TANGO2: variants seen among roughly 807,000 people sequenced by gnomAD.
TANGO2 encodes transport and Golgi organization protein 2 homolog.
Under a neutral mutation model 39.1 loss-of-function variants are expected in TANGO2, and 26 were observed. The observed-to-expected ratio is 0.67, with a 90% CI of 0.49 to 0.92. TANGO2 has a LOEUF of 0.92. TANGO2 is among the 40% of genes least tolerant of loss of function. The pLI is 0.00. For synonymous variants in TANGO2, 131 were observed against 144.5 expected (o/e 0.91, Z 0.67); for missense variants, 326 against 360.1 (o/e 0.91, Z 0.77).
intron 3 of TANGO2, among the ~76,000 whole-genome samples, chr22:20,044,193 G>A (rs530176595): frequency 3.3e-5 from 5 of 152,282 alleles, no homozygotes; most frequent in African/African-American, 7.2e-5. Context: ...GTGTGACCTC[G>A]TGGGCCCATG....
At chr22:20,029,975 G>A (rs2041524650) in intron 1 of TANGO2, among the ~76,000 whole-genome samples, 2 of 152,064 alleles carry the variant, frequency 1.3e-5, no homozygotes, top group Non-Finnish European at 2.9e-5. Context: ...TGAGCCTCAC[G>A]ACGCACATCC....
rs2049001417 is a variant in TANGO2 at position 20,064,737 on chromosome 22, T to C, written c.*75T>C. 1 of 1,575,608 alleles carries C rather than the reference T, an allele frequency of 6.3e-7. No individual in the cohort carries two copies. The highest frequency in any genetic ancestry group is 2.2e-5 in the East Asian group (1 of 44,576). On this transcript the variant is annotated 3_prime_UTR_variant, in exon 9 of 9. Coordinates refer to ENST00000327374, the MANE Select transcript of TANGO2 (RefSeq NM_152906.7). Reference sequence around the variant, plus strand: ...GGGCACTGTGGACAGGAAACCTTCCTTTGCCATACTGCATTGCACTGCCCG... The same window carrying C: ...GGGCACTGTGGACAGGAAACCTTCCCTTGCCATACTGCATTGCACTGCCCG...
rs1476189702 is a variant in TANGO2, at chr22:20,064,999, CA to C, written c.*338del. On this transcript the variant is annotated 3_prime_UTR_variant, in exon 9 of 9. Transcript: ENST00000327374. ...ACACTCCTGCGTGTGCACAAGCACA[CA>C]CATGCAAGCCATATACATGGACACC... 1.1e-5 allele frequency: 3 copies of C among 284,660 alleles called. No individual in the cohort carries two copies. Among genetic ancestry groups the C allele is most frequent in the South Asian group, 1.1e-4 (2 of 18,824 alleles). The allele number at this position is 284,660 out of a possible 1,614,324, so 17.6% of individuals were successfully genotyped here.
At chr22:20,063,492 C>A in intron 8 of TANGO2, 50 bp downstream of exon 8, 1 of 1,521,010 alleles carries the variant, frequency 6.6e-7, no homozygotes, top group East Asian at 2.4e-5. Context: ...TCCCACCTCC[C>A]ACGCTAGAGG....
intron 3 of TANGO2, chr22:20,048,197 T>A (rs1411376587): frequency 6.6e-6 from 1 of 152,256 alleles, no homozygotes; most frequent in Non-Finnish European, 1.5e-5. Context: ...AGTGCTGACA[T>A]TACAGGCATG....
intron 1 of TANGO2, among the ~76,000 whole-genome samples, chr22:20,021,782 C>T (rs753878922): frequency 2.0e-5 from 3 of 152,226 alleles, no homozygotes; most frequent in Non-Finnish European, 2.9e-5. Flanking sequence ...TGGGCTTTGC[C>T]CGTTTTCCTC....
intron 2 of TANGO2, among the ~76,000 whole-genome samples, chr22:20,041,289 G>T (rs1282332561): frequency 6.6e-6 from 1 of 151,552 alleles, no homozygotes; most frequent in Non-Finnish European, 1.5e-5. Context: ...GGGATTACAG[G>T]CGCCCGCCAC....
intron 1 of TANGO2, chr22:20,033,284 G>C (rs1569249760): frequency 1.2e-5 from 6 of 508,836 alleles, no homozygotes; most frequent in Non-Finnish European, 1.2e-5. Flanking sequence ...GTGCCAGGCT[G>C]TCCGGAGATC....
chr22:20,017,170 C>A (rs1029212679), upstream of TANGO2: 17 of 152,450 alleles, frequency 1.1e-4, no homozygotes, highest in African/African-American at 3.8e-4. Context: ...CGCGTAGCCT[C>A]CGCCACCACT....
chr22:20,017,525 G>T (rs565059459), upstream of TANGO2, among the ~76,000 whole-genome samples: 1 of 152,286 alleles, frequency 6.6e-6, no homozygotes, highest in Admixed American at 6.5e-5. Context: ...GACCTCTTGG[G>T]CTTGTCCCAC....
intron 6 of TANGO2, chr22:20,056,849 G>A (rs985117738): frequency 1.3e-5 from 6 of 456,538 alleles, no homozygotes; most frequent in East Asian, 1.4e-4. Context: ...GACACTCCTC[G>A]CTGGTGGCAT....
At chr22:20,045,936 C>T (rs949843734) in intron 3 of TANGO2, among the ~76,000 whole-genome samples, 1 of 152,020 alleles carries the variant, frequency 6.6e-6, no homozygotes, top group Non-Finnish European at 1.5e-5. Flanking sequence ...CTCGGTGCCC[C>T]TAGATCTTGA....
intron 5 of TANGO2, chr22:20,055,543 C>T (rs1247925191): frequency 3.4e-6 from 1 of 295,276 alleles, no homozygotes; most frequent in African/African-American, 2.1e-5. Flanking sequence ...GCCACCTGTC[C>T]AGAAACCCTC....
chr22:20,036,766 C>A lies in TANGO2; in HGVS notation c.-33C>A. The A allele has an allele frequency of 6.2e-7, 1 of 1,614,064 alleles. No homozygotes were observed. Among genetic ancestry groups the A allele is most frequent in the Non-Finnish European group, 8.5e-7 (1 of 1,179,894 alleles). On this transcript the variant is annotated 5_prime_UTR_variant, in exon 2 of 9. Coordinates refer to ENST00000327374, the MANE Select transcript of TANGO2 (RefSeq NM_152906.7). ...TGTTTTCCTTTTCCCGCAGACCTCGCGACCTGTGTCAGCAGAGCCGCCCTG... is the reference window on the plus strand; with the variant it reads ...TGTTTTCCTTTTCCCGCAGACCTCGAGACCTGTGTCAGCAGAGCCGCCCTG...
At chr22:20,050,687 A>G (rs189057500) in intron 3 of TANGO2, among the ~76,000 whole-genome samples, 58 of 149,018 alleles carry the variant, frequency 3.9e-4, no homozygotes, top group Admixed American at 3.9e-3. Context: ...AATCACACTA[A>G]GGATTTTAAA....
chr22:20,064,855 A>G lies in TANGO2; in HGVS notation c.*193A>G. 6.0e-6 allele frequency: 4 copies of G among 671,840 alleles called. No individual in the cohort carries two copies. The highest frequency in any genetic ancestry group is 9.8e-6 in the Non-Finnish European group (4 of 408,744). The allele number at this position is 671,840 out of a possible 1,614,324, so 41.6% of individuals were successfully genotyped here. A position where few individuals can be genotyped will look rare whatever the true frequency, so the allele number is the denominator to read the frequency against. On this transcript the variant is annotated 3_prime_UTR_variant, in exon 9 of 9. Coordinates refer to ENST00000327374, the MANE Select transcript of TANGO2 (RefSeq NM_152906.7). The stretch of plus-strand genomic sequence containing the variant: ...CCAGTTCAGGGTCTGCCTTTATGCC[A>G]GTGAGGAGCAGCAGAGTCTGATACT...
intron 2 of TANGO2, among the ~76,000 whole-genome samples, chr22:20,040,186 A>G (rs2043638042): frequency 6.6e-6 from 1 of 152,226 alleles, no homozygotes; most frequent in South Asian, 2.1e-4. Flanking sequence ...GCAAACCACC[A>G]GCAATTCAGC....
chr22:20,023,990 T>C (rs2040240898), intron 1 of TANGO2, among the ~76,000 whole-genome samples: 1 of 152,170 alleles, frequency 6.6e-6, no homozygotes, highest in East Asian at 1.9e-4. Context: ...GAGATCAGCC[T>C]GGCCAACATA....
chr22:20,051,189 G>T (rs548462765), intron 3 of TANGO2, among the ~76,000 whole-genome samples: 21 of 151,104 alleles, frequency 1.4e-4, no homozygotes, highest in Non-Finnish European at 1.9e-4. Flanking sequence ...CTTTATTTTT[G>T]ATCTTTACAT....
Sources: allele counts gnomAD v4.1 joint callset (sites outside exome capture counted in the v4.1 genomes callset), GRCh38; gene constraint gnomAD v4.1.1; transcripts MANE v1.5; gene names NCBI Gene and HGNC (gene_info 2026-07-23, HGNC 2026-07-21).